BDP1: variants seen among roughly 807,000 people sequenced by gnomAD.
The protein encoded by BDP1 is BDP1 general transcription factor IIIB subunit.
Under a neutral mutation model 266.6 loss-of-function variants are expected in BDP1, and 169 were observed. The observed-to-expected ratio is 0.63, with a 90% confidence interval of 0.56 to 0.72. The LOEUF is 0.72. Among genes scored for constraint, BDP1 ranks in the 30% least tolerant of loss-of-function variants. The pLI, the probability that BDP1 is intolerant of heterozygous loss-of-function variation, is 0.00. For synonymous variants in BDP1, 1,090 were observed against 1,022.4 expected (o/e 1.07, Z -1.26); for missense variants, 3,015 against 3,053.8 (o/e 0.99, Z 0.30).
chr5:71,468,794 A>G (rs932474577), intron 6 of BDP1, among the ~76,000 whole-genome samples: 9 of 151,160 alleles, frequency 6.0e-5, no homozygotes, highest in African/African-American at 2.2e-4. Context: ...TTTGGTAGAG[A>G]TGGGGTTTCA....
chr5:71,463,849 ATTCTT>A (rs1761721504), intron 3 of BDP1, among the ~76,000 whole-genome samples: 2 of 148,556 alleles, frequency 1.3e-5, no homozygotes, highest in Admixed American at 6.7e-5. Context: ...AAAAAAAAGT[ATTCTT>A]TACTTAGGAC....
intron 7 of BDP1, among the ~76,000 whole-genome samples, chr5:71,472,346 A>G (rs1375263470): frequency 6.6e-6 from 1 of 152,184 alleles, no homozygotes; most frequent in Non-Finnish European, 1.5e-5. Context: ...CTGTAATCCC[A>G]GCTACTCGGG....
intron 7 of BDP1, among the ~76,000 whole-genome samples, chr5:71,483,478 A>T (rs1395982701): frequency 3.3e-5 from 5 of 152,350 alleles, no homozygotes; most frequent in Middle Eastern, 3.4e-3. Context: ...AATATATTAG[A>T]ACAATGATGT....
rs1346367553 is a variant in BDP1 at position 71,510,909 on chromosome 5, G to T, written c.3817G>T (p.Ala1273Ser). The T allele has an allele frequency of 9.3e-6, 15 of 1,613,680 alleles. No individual in the cohort carries two copies. The Admixed American group carries it at 1.0e-4, about 11-fold the overall frequency. ...CATGGAGAAAGTATCAGGAAAGATG[G>T]CTGTTGTTGAAGAAATGGAGGCAGA... ...PIMEKVSGKM[A>S]VVEEMEADLK... The change falls in exon 17 of 39, where the codon GCT (alanine) becomes TCT (serine). Residue 1273 changes from alanine to serine, a missense_variant. Transcript: ENST00000358731.
intron 32 of BDP1, 104 bp downstream of exon 32, chr5:71,545,323 AT>A: frequency 9.5e-7 from 1 of 1,056,122 alleles, no homozygotes; most frequent in Non-Finnish European, 1.4e-6. Context: ...TTTTATCTTC[AT>A]TTTTCTTTAT....
chr5:71,510,928 A>G lies in BDP1; in HGVS notation c.3836A>G (p.Glu1279Gly), dbSNP rs879040717. Residue 1279 changes from glutamate (E) to glycine (G), a missense_variant, in exon 17 of 39, where the codon GAG becomes GGG. Around this residue, in one of 3 missense-constraint regions of BDP1, gnomAD observed 2,383 missense variants for 2,404.9 expected, o/e 0.99. Transcript: ENST00000358731. ...AAGATGGCTGTTGTTGAAGAAATGG[A>G]GGCAGATTTGAAAGAAACTGGAAAA... ...SGKMAVVEEM[E>G]ADLKETGKEN... 5.6e-6 allele frequency: 9 copies of G among 1,614,092 alleles called. No homozygotes were observed. The South Asian group carries it at 8.8e-5, about 16-fold the overall frequency.
At chr5:71,539,430 G>T in intron 27 of BDP1, 127 bp from the exon 28 acceptor site, 1 of 666,616 alleles carries the variant, frequency 1.5e-6, no homozygotes, top group East Asian at 2.7e-5. Flanking sequence ...CCTTAGTAAG[G>T]GATTAATGGC....
At chr5:71,509,379 GT>G in intron 16 of BDP1, 85 bp from the exon 17 acceptor site, 1 of 1,400,752 alleles carries the variant, frequency 7.1e-7, no homozygotes, top group Non-Finnish European at 9.4e-7. Context: ...AGTTTCTGGT[GT>G]TTCTGTAGTG....
At chr5:71,545,336 T>A in intron 32 of BDP1, 117 bp downstream of exon 32, 2 of 1,029,814 alleles carry the variant, frequency 1.9e-6, no homozygotes, top group Non-Finnish European at 2.8e-6. Flanking sequence ...TTTCTTTATT[T>A]CTTCTTTTTT....
At chr5:71,531,500 T>TTTTA (rs1213280120) in intron 25 of BDP1, among the ~76,000 whole-genome samples, 97 of 151,976 alleles carry the variant, frequency 6.4e-4, no homozygotes, top group African/African-American at 1.4e-3. Context: ...ATGATAAATA[T>TTTTA]TTTATTTATT....
rs544811822 is a variant in BDP1, at chr5:71,480,527, C to T, written c.1015-3315C>T. On this transcript the variant is annotated intron_variant, in intron 7 of 38. Transcript: ENST00000358731. ...TCAAGTGATCCACCTATCTTGGCCT[C>T]CCAAAGGGCTGGGATTATAGGCGTG... 1.5e-3 allele frequency among the ~76,000 whole-genome samples: 230 copies of T among 151,412 alleles called. 1 individual carries two copies. The highest frequency in any genetic ancestry group is 2.7e-3 in the Non-Finnish European group (182 of 67,920).
At chr5:71,513,844 T>G (rs1765079277) in intron 19 of BDP1, among the ~76,000 whole-genome samples, 1 of 152,028 alleles carries the variant, frequency 6.6e-6, no homozygotes. Context: ...CTCAGCCTCC[T>G]GAATGCTGGG....
chr5:71,549,816 A>G (rs868613425), intron 34 of BDP1, among the ~76,000 whole-genome samples: 2 of 152,224 alleles, frequency 1.3e-5, no homozygotes, highest in Non-Finnish European at 2.9e-5. Flanking sequence ...TTAGTTTTGT[A>G]TGAAACTTGT....
chr5:71,553,108 C>T lies in BDP1; in HGVS notation c.6996-8C>T, dbSNP rs371946526. On this transcript the variant is annotated splice_region_variant and splice_polypyrimidine_tract_variant and intron_variant, in intron 34 of 38. Coordinates refer to ENST00000358731, the MANE Select transcript of BDP1 (RefSeq NM_018429.3). ...CAGTAATTTAGTATGTATTTCTTTT[C>T]TATGCAGTATTTGTTTACCAGCAAC... 1.9e-6 allele frequency: 3 copies of T among 1,599,060 alleles called. No individual in the cohort carries two copies. The highest frequency in any genetic ancestry group is 2.6e-6 in the Non-Finnish European group (3 of 1,172,098).
Position 71,489,508 on chromosome 5 carries a change from G to T in BDP1, c.1318G>T (p.Glu440Ter). 1.2e-6 allele frequency: 2 copies of T among 1,614,128 alleles called. No homozygotes were observed. Among genetic ancestry groups the T allele is most frequent in the Non-Finnish European group, 1.7e-6 (2 of 1,179,984 alleles). Residue 440 changes from glutamate (E) to a stop codon, truncating the protein, a stop_gained, in exon 10 of 39, where the codon GAA becomes TAA. Transcript: ENST00000358731. LOFTEE classifies it high-confidence loss of function. The stretch of plus-strand genomic sequence containing the variant: ...TCAGAAGGATGCTCAGACAGTTGAA[G>T]AAGAGTCTCTGACCTTATCAAGGGA... The part of the protein sequence containing the change: ...RSQKDAQTVE[E>*]ESLTLSREDA...
At chr5:71,463,947 G>C (rs1561667235) in intron 3 of BDP1, 111 bp from the exon 4 acceptor site, 6 of 646,006 alleles carry the variant, frequency 9.3e-6, no homozygotes, top group Non-Finnish European at 1.6e-5. Context: ...GAAATGCTGT[G>C]ATATATCATT....
intron 19 of BDP1, among the ~76,000 whole-genome samples, chr5:71,514,012 G>A (rs1319666311): frequency 2.6e-5 from 4 of 151,884 alleles, no homozygotes; most frequent in South Asian, 2.1e-4. Flanking sequence ...GAGCCGTGGC[G>A]CCCAGCGAGA....
At chr5:71,457,273 C>T (rs1761251574) in intron 1 of BDP1, among the ~76,000 whole-genome samples, 1 of 131,496 alleles carries the variant, frequency 7.6e-6, no homozygotes, top group African/African-American at 2.8e-5. Context: ...GTTTTTTAGT[C>T]ACTTTTTTTG....
chr5:71,526,607 C>T lies in BDP1; in HGVS notation c.5772+2284C>T, dbSNP rs561019581. Among the ~76,000 whole-genome samples the T allele has an allele frequency of 2.2e-4, 22 of 100,860 alleles. No individual in the cohort carries two copies. In the South Asian group the frequency reaches 4.5e-3, roughly 21 times the overall value. 66.2% of individuals were successfully genotyped at this position (100,860 alleles called of 152,430 possible). A position where few individuals can be genotyped will look rare whatever the true frequency, so the allele number is the denominator to read the frequency against. ...CTCCAGCCTGGGAGACAGAGCGAGACTCTATCTCAAAAAAAAAAAAAAAAA... is the reference window on the plus strand; with the variant it reads ...CTCCAGCCTGGGAGACAGAGCGAGATTCTATCTCAAAAAAAAAAAAAAAAA... On this transcript the variant is annotated intron_variant, in intron 25 of 38. Transcript: ENST00000358731.
Sources: gnomAD v4.1 joint callset for allele counts (sites outside exome capture counted in the v4.1 genomes callset) on GRCh38, gnomAD v4.1.1 for gene constraint, gnomAD v4.1.1 regional missense constraint, MANE v1.5 for transcripts, NCBI Gene and HGNC (gene_info 2026-07-23, HGNC 2026-07-21) for gene names.